Variants in MYL4 observed in about 807,000 individuals in gnomAD.
The protein encoded by MYL4 is myosin light chain 4.
Under a neutral mutation model 21.6 loss-of-function variants are expected in MYL4, and 16 were observed. That is an observed-to-expected ratio of 0.74 (90% CI 0.50 to 1.12). The LOEUF is 1.12. Ranked by LOEUF, MYL4 falls within the 50% of genes most tolerant of loss-of-function variation. MYL4 has a pLI of 0.00. For missense variants in MYL4, 249 were observed against 252.9 expected, an observed-to-expected ratio of 0.98 and a Z score of 0.11; for synonymous variants, 82 against 95.7, an observed-to-expected ratio of 0.86 and a Z score of 0.83.
At chr17:47,208,551 AC>A (rs2064746457), upstream of MYL4, among the ~76,000 whole-genome samples, 1 of 17,538 alleles carries the variant, frequency 5.7e-5, no homozygotes, top group Non-Finnish European at 1.5e-4. Context: ...AGTAAGCACT[AC>A]ACACACACAC....
At chr17:47,191,238 C>CGTG in the MYL4 span, among the ~76,000 whole-genome samples, 33 of 152,226 alleles carry the variant, frequency 2.2e-4, no homozygotes, top group African/African-American at 7.7e-4. Flanking sequence ...CCACAAAGGG[C>CGTG]GTGTGCCATG....
chr17:47,218,573 G>A (rs1300027171), intron 2 of MYL4, among the ~76,000 whole-genome samples: 1 of 152,100 alleles, frequency 6.6e-6, no homozygotes, highest in East Asian at 1.9e-4. Flanking sequence ...ATCACTTGAG[G>A]CCAGGAATTT....
the MYL4 span, among the ~76,000 whole-genome samples, chr17:47,195,371 AG>A: frequency 2.0e-5 from 3 of 152,042 alleles, no homozygotes; most frequent in Non-Finnish European, 4.4e-5. Flanking sequence ...CTGGGATTAC[AG>A]GCATAGACCA....
chr17:47,224,289 G>A (rs1347887744), downstream of MYL4, among the ~76,000 whole-genome samples: 1 of 152,158 alleles, frequency 6.6e-6, no homozygotes, highest in Non-Finnish European at 1.5e-5. Flanking sequence ...TTACATGGAT[G>A]GCGGCAGGCA....
chr17:47,208,349 G>T (rs115655713), upstream of MYL4, among the ~76,000 whole-genome samples: 2,229 of 152,184 alleles, frequency 0.015, 44 homozygotes, highest in African/African-American at 0.052. Flanking sequence ...TGGGAGAATC[G>T]CTTGAGCCAG....
the MYL4 span, among the ~76,000 whole-genome samples, chr17:47,191,247 T>C: frequency 6.6e-6 from 1 of 152,124 alleles, no homozygotes; most frequent in South Asian, 2.1e-4. Flanking sequence ...GCGTGTGCCA[T>C]GGGAGGAGTT....
the MYL4 span, among the ~76,000 whole-genome samples, chr17:47,190,050 GA>G: frequency 6.6e-6 from 1 of 151,884 alleles, no homozygotes; most frequent in Admixed American, 6.6e-5. Flanking sequence ...GTGAAGGGAG[GA>G]AAAATGGGAT....
Position 47,220,007 on chromosome 17 carries a change from T to G in MYL4, c.267T>G (p.Pro89=). 1.9e-6 allele frequency: 3 copies of G among 1,614,164 alleles called. No homozygotes were observed. Among genetic ancestry groups the G allele is most frequent in the Non-Finnish European group, 2.5e-6 (3 of 1,179,996 alleles). ...GDVLRALGQN[P]TNAEVLRVLG... ...TACTGCGGGCCCTGGGCCAGAACCCTACCAATGCCGAGGTGCTGCGTGTGC... is the reference window on the plus strand; with the variant it reads ...TACTGCGGGCCCTGGGCCAGAACCCGACCAATGCCGAGGTGCTGCGTGTGC... Residue 89 remains proline, a synonymous_variant, in exon 3 of 7, where the codon CCT becomes CCG. Transcript: ENST00000393450.
At chr17:47,196,924 CTT>C (rs1567740952), upstream of MYL4, among the ~76,000 whole-genome samples, 2 of 151,724 alleles carry the variant, frequency 1.3e-5, no homozygotes, top group South Asian at 4.2e-4. Context: ...ATATTTCGCT[CTT>C]GTTTCGTTAA....
chr17:47,224,243 A>G (rs981204598), downstream of MYL4, among the ~76,000 whole-genome samples: 2 of 152,198 alleles, frequency 1.3e-5, no homozygotes, highest in African/African-American at 4.8e-5. Context: ...AGGCCTCACA[A>G]TCATGGCGGA....
chr17:47,203,143 G>T (rs1353804202), intron 1 of MYL4, among the ~76,000 whole-genome samples: 1 of 152,116 alleles, frequency 6.6e-6, no homozygotes, highest in Non-Finnish European at 1.5e-5. Context: ...TAGAGACAGG[G>T]TTTCACCATG....
chr17:47,209,041 C>G, upstream of MYL4: 1 of 319,508 alleles, frequency 3.1e-6, no homozygotes, highest in East Asian at 8.4e-5. Context: ...TGAGGCTTAT[C>G]AACTGCTCAA....
chr17:47,192,486 A>G, the MYL4 span, among the ~76,000 whole-genome samples: 2 of 151,262 alleles, frequency 1.3e-5, no homozygotes, highest in Non-Finnish European at 2.9e-5. Context: ...CATCTCTACT[A>G]AAAATACAAA....
the MYL4 span, among the ~76,000 whole-genome samples, chr17:47,195,041 C>T: frequency 2.1e-4 from 32 of 149,966 alleles, no homozygotes; most frequent in Non-Finnish European, 3.7e-4. Flanking sequence ...GTGCCCAGCC[C>T]CTTCATGGAA....
upstream of MYL4, among the ~76,000 whole-genome samples, chr17:47,206,915 G>A (rs2064730165): frequency 6.6e-6 from 1 of 152,190 alleles, no homozygotes; most frequent in Non-Finnish European, 1.5e-5. Flanking sequence ...TGGAGAAGGA[G>A]GAGGGCCTGG....
At chr17:47,194,180 C>T in the MYL4 span, among the ~76,000 whole-genome samples, 1 of 152,212 alleles carries the variant, frequency 6.6e-6, no homozygotes, top group South Asian at 2.1e-4. Context: ...ATCTGGATGT[C>T]TCATAGGTAC....
chr17:47,218,442 C>A (rs572879985), intron 2 of MYL4, among the ~76,000 whole-genome samples: 2 of 152,100 alleles, frequency 1.3e-5, no homozygotes, highest in Non-Finnish European at 2.9e-5. Flanking sequence ...AACTTAAATG[C>A]CCCTCCCAGG....
At chr17:47,220,892 C>G (rs1287255785) in intron 3 of MYL4, among the ~76,000 whole-genome samples, 8 of 152,060 alleles carry the variant, frequency 5.3e-5, no homozygotes, top group Non-Finnish European at 1.0e-4. Flanking sequence ...CTGGAGGCTT[C>G]CTGGGCCCCA....
intron 2 of MYL4, among the ~76,000 whole-genome samples, chr17:47,214,335 C>T (rs185797983): frequency 2.8e-3 from 426 of 152,334 alleles, no homozygotes; most frequent in Middle Eastern, 6.8e-3. Context: ...TTCCCCTCTT[C>T]CCACCATGAA....
Sources: gnomAD v4.1 joint callset for allele counts (sites outside exome capture counted in the v4.1 genomes callset) on GRCh38, gnomAD v4.1.1 for gene constraint, MANE v1.5 for transcripts, NCBI Gene and HGNC (gene_info 2026-07-23, HGNC 2026-07-21) for gene names.